The following ROBO1 variants were observed in gnomAD, a reference collection of about 807,000 sequenced individuals.
ROBO1 encodes the protein roundabout homolog 1.
ROBO1 carries 149 observed loss-of-function variants against 195.9 expected under a neutral mutation model. That is an observed-to-expected ratio of 0.76 (90% CI 0.67 to 0.87). The LOEUF is 0.87. Among genes scored for constraint, ROBO1 ranks in the 40% least tolerant of loss-of-function variants. The pLI, the probability that ROBO1 is intolerant of heterozygous loss-of-function variation, is 0.00. For synonymous variants in ROBO1, 816 were observed against 733.2 expected, an observed-to-expected ratio of 1.11 and a Z score of -1.82; for missense variants, 1,933 against 2,068.3, an observed-to-expected ratio of 0.93 and a Z score of 1.27.
At chr3:79,278,409 A>AAAC (rs1559785388) in intron 2 of ROBO1, among the ~76,000 whole-genome samples, 3 of 141,998 alleles carry the variant, frequency 2.1e-5, no homozygotes, top group African/African-American at 2.7e-5. Flanking sequence ...AACAAACAAA[A>AAAC]AAGCTGGAGG....
intron 2 of ROBO1, among the ~76,000 whole-genome samples, chr3:79,403,126 C>G (rs903826776): frequency 6.6e-6 from 1 of 151,916 alleles, no homozygotes; most frequent in Non-Finnish European, 1.5e-5. Flanking sequence ...AAAAACCTCC[C>G]ACCCTCTGTT....
intron 1 of ROBO1, among the ~76,000 whole-genome samples, chr3:79,688,538 C>T (rs1332829760): frequency 6.6e-6 from 1 of 152,008 alleles, no homozygotes; most frequent in Non-Finnish European, 1.5e-5. Flanking sequence ...TTTTTGAAGT[C>T]CTTCTTCCAC....
At chr3:79,541,557 C>G (rs1176297684) in intron 2 of ROBO1, among the ~76,000 whole-genome samples, 1 of 151,970 alleles carries the variant, frequency 6.6e-6, no homozygotes, top group African/African-American at 2.4e-5. Context: ...AAATATTCCT[C>G]CCTTCTTAAG....
At chr3:79,458,494 T>C (rs1261437372) in intron 2 of ROBO1, among the ~76,000 whole-genome samples, 1 of 152,110 alleles carries the variant, frequency 6.6e-6, no homozygotes, top group Non-Finnish European at 1.5e-5. Context: ...AGGGGATGAA[T>C]GCTCAACAGT....
At chr3:79,053,868 C>A (rs1559624145) in intron 3 of ROBO1, among the ~76,000 whole-genome samples, 1 of 152,112 alleles carries the variant, frequency 6.6e-6, no homozygotes, top group African/African-American at 2.4e-5. Flanking sequence ...CATGCTAGAA[C>A]CTCCCAACTT....
intron 4 of ROBO1, among the ~76,000 whole-genome samples, chr3:78,900,755 AT>A (rs1385027182): frequency 5.3e-5 from 8 of 151,724 alleles, no homozygotes; most frequent in South Asian, 2.1e-4. Flanking sequence ...AAACAAAAAA[AT>A]ATATATATAT....
At position 79,719,484 on chromosome 3, in the gene ROBO1, A is replaced by G. The variant is rs544705406; in HGVS notation, c.-51+48268T>C. On this transcript the variant is annotated intron_variant, in intron 1 of 30. Coordinates refer to ENST00000464233, the MANE Select transcript of ROBO1 (RefSeq NM_002941.4). ...AGAAGGAAAACTTTTGTGAAGGAGT[A>G]AACTTCTACATAACATGTAAATAGA... Among the ~76,000 whole-genome samples, 5 of 152,298 alleles carry G rather than the reference A, an allele frequency of 3.3e-5. No homozygotes were observed. The South Asian group carries it at 1.0e-3, about 32-fold the overall frequency.
At chr3:78,649,246 A>C (rs551997693) in intron 19 of ROBO1, among the ~76,000 whole-genome samples, 1 of 152,274 alleles carries the variant, frequency 6.6e-6, no homozygotes, top group Non-Finnish European at 1.5e-5. Flanking sequence ...CCTTGTCATT[A>C]CTTCTCCTAG....
At chr3:79,123,224 T>C (rs979455821) in intron 3 of ROBO1, among the ~76,000 whole-genome samples, 2 of 151,962 alleles carry the variant, frequency 1.3e-5, no homozygotes, top group Admixed American at 6.6e-5. Context: ...CCTGGACAGA[T>C]AGGCCATCTC....
chr3:79,015,328 T>C (rs1220241971), intron 3 of ROBO1, among the ~76,000 whole-genome samples: 2 of 151,414 alleles, frequency 1.3e-5, no homozygotes, highest in Non-Finnish European at 2.9e-5. Context: ...TTGGCTCAAA[T>C]AGTGAAACTT....
At chr3:79,105,032 T>G (rs1418518474) in intron 3 of ROBO1, among the ~76,000 whole-genome samples, 1 of 151,700 alleles carries the variant, frequency 6.6e-6, no homozygotes, top group Non-Finnish European at 1.5e-5. Context: ...TAAGATGTAT[T>G]AAAAACTGAA....
chr3:79,156,752 AT>A (rs1388450840), intron 2 of ROBO1, among the ~76,000 whole-genome samples: 1 of 151,928 alleles, frequency 6.6e-6, no homozygotes, highest in Non-Finnish European at 1.5e-5. Flanking sequence ...TTATTTCCAT[AT>A]TTTAGTAAAG....
At chr3:79,473,170 A>G (rs1191296625) in intron 2 of ROBO1, among the ~76,000 whole-genome samples, 1 of 152,146 alleles carries the variant, frequency 6.6e-6, no homozygotes. Context: ...CCTAACTCCA[A>G]TGACTGGCAT....
At chr3:79,579,585 T>C (rs556233524) in intron 2 of ROBO1, among the ~76,000 whole-genome samples, 27 of 152,276 alleles carry the variant, frequency 1.8e-4, no homozygotes, top group African/African-American at 5.8e-4. Context: ...TAACTTACTG[T>C]GTCATGGGTT....
At chr3:79,382,521 T>C (rs1181086684) in intron 2 of ROBO1, among the ~76,000 whole-genome samples, 6 of 152,158 alleles carry the variant, frequency 3.9e-5, no homozygotes, top group Non-Finnish European at 8.8e-5. Context: ...TTAATTTAAA[T>C]AATTTTCTGG....
intron 4 of ROBO1, among the ~76,000 whole-genome samples, chr3:78,764,035 A>AT (rs1307806893): frequency 3.9e-5 from 6 of 152,156 alleles, no homozygotes; most frequent in Non-Finnish European, 7.4e-5. Flanking sequence ...TTGGATATGG[A>AT]TTTTCAGTAG....
chr3:79,327,875 G>A (rs909071442), intron 2 of ROBO1, among the ~76,000 whole-genome samples: 4 of 152,044 alleles, frequency 2.6e-5, no homozygotes, highest in African/African-American at 4.8e-5. Flanking sequence ...GAAATAGCAC[G>A]CCACTACATG....
chr3:78,735,174 T>C (rs190033275), intron 5 of ROBO1, among the ~76,000 whole-genome samples: 66 of 152,264 alleles, frequency 4.3e-4, no homozygotes, highest in Admixed American at 7.2e-4. Context: ...ATCTTTCACC[T>C]CTCCAAGTTA....
rs554829854 is a variant in ROBO1, at chr3:79,729,457, A to G, written c.-51+38295T>C. Among the ~76,000 whole-genome samples, 6 of 152,318 alleles carry G rather than the reference A, an allele frequency of 3.9e-5. No homozygotes were observed. The East Asian group carries it at 5.8e-4, about 15-fold the overall frequency. ...AATCATAATTAAGACTAGTTAGTAC[A>G]TATCTATTTAAAAACAATCTCACTT... On this transcript the variant is annotated intron_variant, in intron 1 of 30. Transcript: ENST00000464233.
Sources: gnomAD v4.1 joint callset for allele counts (sites outside exome capture counted in the v4.1 genomes callset) on GRCh38, gnomAD v4.1.1 for gene constraint, MANE v1.5 for transcripts, NCBI Gene and HGNC (gene_info 2026-07-23, HGNC 2026-07-21) for gene names.